Variants in STRADB observed in about 807,000 individuals in gnomAD.
STRADB encodes STE20-related kinase adapter protein beta.
Under a neutral mutation model 52.1 loss-of-function variants are expected in STRADB, and 34 were observed. The observed-to-expected ratio is 0.65, with a 90% CI of 0.50 to 0.87. The LOEUF is 0.87. Among genes scored for constraint, STRADB ranks in the 40% least tolerant of loss-of-function variants. The probability of loss-of-function intolerance (pLI) is 0.00; values close to 1 mark genes in which losing one functional copy is unlikely to be tolerated. For synonymous variants in STRADB, 133 were observed against 174.5 expected, an observed-to-expected ratio of 0.76 and a Z score of 1.87; for missense variants, 340 against 483.9, an observed-to-expected ratio of 0.70 and a Z score of 2.79.
At chr2:201,457,621 TTAAG>T (rs1215742749) in intron 2 of STRADB, among the ~76,000 whole-genome samples, 8 of 152,222 alleles carry the variant, frequency 5.3e-5, no homozygotes, top group Non-Finnish European at 8.8e-5. Context: ...AAATTTATAT[TTAAG>T]TAATTGACTA....
At position 201,470,056 on chromosome 2, in the gene STRADB, A is replaced by G. The variant is rs760495346; in HGVS notation, c.193+4A>G. 6.3e-7 allele frequency: 1 copy of G among 1,597,566 alleles called. No individual in the cohort carries two copies. Among genetic ancestry groups the G allele is most frequent in the Non-Finnish European group, 8.6e-7 (1 of 1,164,938 alleles). On this transcript the variant is annotated splice_donor_region_variant and intron_variant, in intron 4 of 11. Coordinates refer to ENST00000194530, the MANE Select transcript of STRADB (RefSeq NM_018571.6). ...TATGAGCTCCAAGTAGAAATAGGTA[A>G]TAATCCTGAATTTCTAATTGACCCT...
At chr2:201,472,595 G>A (rs1028343407) in intron 4 of STRADB, among the ~76,000 whole-genome samples, 6 of 152,168 alleles carry the variant, frequency 3.9e-5, no homozygotes, top group African/African-American at 1.2e-4. Context: ...TGGGATTGCC[G>A]AGTAGCATTC....
chr2:201,458,954 G>C, intron 3 of STRADB, 90 bp downstream of exon 3: 1 of 1,155,906 alleles, frequency 8.7e-7, no homozygotes, highest in Non-Finnish European at 1.3e-6. Flanking sequence ...TTGAGCCTAG[G>C]AGTTCGAGAC....
At chr2:201,474,525 G>C in intron 5 of STRADB, 122 bp from the exon 6 acceptor site, 1 of 681,484 alleles carries the variant, frequency 1.5e-6, no homozygotes, top group Non-Finnish European at 2.5e-6. Flanking sequence ...ATAGATAAAA[G>C]CACTAAGAAC....
intron 10 of STRADB, chr2:201,479,212 A>G (rs1325312402): frequency 3.0e-6 from 1 of 328,368 alleles, no homozygotes; most frequent in Non-Finnish European, 5.5e-6. Context: ...TAAGACTCTA[A>G]GTAGTATAAA....
chr2:201,473,590 T>C (rs1952423963), intron 5 of STRADB, among the ~76,000 whole-genome samples: 1 of 152,240 alleles, frequency 6.6e-6, no homozygotes, highest in Non-Finnish European at 1.5e-5. Flanking sequence ...AGGTTCATTA[T>C]ATGAAAGAAC....
intron 3 of STRADB, chr2:201,460,938 G>A (rs964845575): frequency 6.6e-6 from 1 of 151,470 alleles, no homozygotes; most frequent in Admixed American, 6.6e-5. Context: ...GTTTTTTGAG[G>A]AACCTCCATA....
At chr2:201,452,180 C>G (rs1163268221) in intron 1 of STRADB, among the ~76,000 whole-genome samples, 4 of 151,964 alleles carry the variant, frequency 2.6e-5, no homozygotes, top group Admixed American at 2.6e-4. Context: ...TCGCAGCCCG[C>G]CCAGTGGTGC....
In STRADB at chr2:201,453,799, C is replaced by G. The variant is rs141977615; in HGVS notation, c.-95-947C>G. Among the ~76,000 whole-genome samples the G allele has an allele frequency of 4.5e-4, 69 of 152,260 alleles. 1 individual carries two copies. Among genetic ancestry groups the G allele is most frequent in the African/African-American group, 1.5e-3 (64 of 41,538 alleles). Reference sequence around the variant, plus strand: ...TGGCAGGGCAGGCATTGCTTTCCTCCTTTTGCAGCACAGCAAACTCCAGTG... The same window carrying G: ...TGGCAGGGCAGGCATTGCTTTCCTCGTTTTGCAGCACAGCAAACTCCAGTG... On this transcript the variant is annotated intron_variant, in intron 1 of 11. Transcript: ENST00000194530.
intron 1 of STRADB, among the ~76,000 whole-genome samples, chr2:201,452,640 T>C (rs1354605600): frequency 6.6e-6 from 1 of 152,238 alleles, no homozygotes; most frequent in Admixed American, 6.5e-5. Context: ...TAAGATTTTA[T>C]GGGTTCCCAA....
chr2:201,464,456 C>A (rs1252875783), intron 3 of STRADB, among the ~76,000 whole-genome samples: 1 of 152,176 alleles, frequency 6.6e-6, no homozygotes, highest in Non-Finnish European at 1.5e-5. Context: ...GTTTCTCTTT[C>A]CATGCTGAGC....
chr2:201,463,302 C>T (rs1952246151), intron 3 of STRADB, among the ~76,000 whole-genome samples: 1 of 137,716 alleles, frequency 7.3e-6, no homozygotes, highest in Non-Finnish European at 1.5e-5. Context: ...CCATTGCACT[C>T]CAGCCTGGGT....
intron 2 of STRADB, among the ~76,000 whole-genome samples, chr2:201,457,018 A>G (rs1019802606): frequency 6.6e-6 from 1 of 152,208 alleles, no homozygotes; most frequent in Non-Finnish European, 1.5e-5. Flanking sequence ...ACAAAATTCC[A>G]GTCTCCCAGA....
intron 9 of STRADB, 68 bp downstream of exon 9, chr2:201,478,259 G>C: frequency 6.3e-7 from 1 of 1,589,834 alleles, no homozygotes; most frequent in South Asian, 1.1e-5. Context: ...GATAATTTCT[G>C]TTAAACATGT....
Position 201,480,522 on chromosome 2 carries a change from GACAGTGCTTCCAAGT to G in STRADB, c.*351_*365del, listed in dbSNP as rs1952554327. The G allele has an allele frequency of 9.7e-7, 1 of 1,028,478 alleles. No homozygotes were observed. Among genetic ancestry groups the G allele is most frequent in the African/African-American group, 1.7e-5 (1 of 58,284 alleles). The allele number at this position is 1,028,478 out of a possible 1,614,324, so 63.7% of individuals were successfully genotyped here. ...GTCCCTTGGGAATGGGCCCTCAGAGGACAGTGCTTCCAAGTACATCTTCTCCCAGATTCTCTGGCC... is the reference window on the plus strand; with the variant it reads ...GTCCCTTGGGAATGGGCCCTCAGAGGACATCTTCTCCCAGATTCTCTGGCC... On this transcript the variant is annotated 3_prime_UTR_variant, in exon 12 of 12. Transcript: ENST00000194530.
chr2:201,477,296 C>T (rs1952493106), intron 7 of STRADB, among the ~76,000 whole-genome samples: 1 of 151,902 alleles, frequency 6.6e-6, no homozygotes, highest in Non-Finnish European at 1.5e-5. Flanking sequence ...GATCTCCTGA[C>T]CTCGTGATCT....
At chr2:201,461,830 CTT>C (rs1952220867) in intron 3 of STRADB, among the ~76,000 whole-genome samples, 1 of 152,138 alleles carries the variant, frequency 6.6e-6, no homozygotes, top group Non-Finnish European at 1.5e-5. Context: ...AGATTTAAGT[CTT>C]TAATCCATTT....
chr2:201,463,211 C>T (rs1190042946), intron 3 of STRADB, among the ~76,000 whole-genome samples: 1 of 151,762 alleles, frequency 6.6e-6, no homozygotes, highest in African/African-American at 2.4e-5. Context: ...GTGGCACACG[C>T]CTGTAATCCC....
Position 201,474,730 on chromosome 2 carries a change from G to A in STRADB, c.399G>A (p.Trp133Ter). ...WTVFTVGSWL[W>*]VISPFMAYGS... ...TTTTCACTGTTGGCAGCTGGCTTTG[G>A]GTTATTTCTCCATTTATGGCCTATG... is the stretch of plus-strand genomic sequence containing the variant. Residue 133 changes from tryptophan to a stop codon, truncating the protein, a stop_gained, in exon 6 of 12, where the codon TGG (tryptophan) becomes TGA (stop). Coordinates refer to ENST00000194530, the MANE Select transcript of STRADB (RefSeq NM_018571.6). LOFTEE classifies it high-confidence loss of function. 1.9e-6 allele frequency: 3 copies of A among 1,610,958 alleles called. No individual in the cohort carries two copies. The highest frequency in any genetic ancestry group is 2.5e-6 in the Non-Finnish European group (3 of 1,178,922).
Sources: gnomAD v4.1 joint callset for allele counts (sites outside exome capture counted in the v4.1 genomes callset) on GRCh38, gnomAD v4.1.1 for gene constraint, MANE v1.5 for transcripts, NCBI Gene and HGNC (gene_info 2026-07-23, HGNC 2026-07-21) for gene names.